NEBL: variants seen among roughly 807,000 people sequenced by gnomAD.
The protein encoded by NEBL is LIM and SH3 protein 2.
Under a neutral mutation model 140.2 loss-of-function variants are expected in NEBL, and 122 were observed. The observed-to-expected ratio is 0.87, with a 90% confidence interval of 0.75 to 1.01. NEBL has a LOEUF of 1.01. Ranked by LOEUF, NEBL falls within the 50% of genes least tolerant of loss-of-function variation. The pLI is 0.00. For missense variants in NEBL, 1,365 were observed against 1,231.3 expected, an observed-to-expected ratio of 1.11 and a Z score of -1.62; for synonymous variants, 436 against 398.9, an observed-to-expected ratio of 1.09 and a Z score of -1.11.
In NEBL at chr10:20,783,094, G is replaced by A; in HGVS notation, c.*2653C>T. On this transcript the variant is annotated 3_prime_UTR_variant, in exon 28 of 28. Transcript: ENST00000377122. ...TTTTTAAAATCTTCTTTAGCTGTCA[G>A]CTTCATGCACGAGATACCTGTTGCC... 6.6e-6 allele frequency: 1 copy of A among 152,576 alleles called. No homozygotes were observed. Among genetic ancestry groups the A allele is most frequent in the African/African-American group, 2.4e-5 (1 of 41,432 alleles). 9.5% of individuals were successfully genotyped at this position (152,576 alleles called of 1,614,324 possible).
intron 3 of NEBL, among the ~76,000 whole-genome samples, chr10:21,204,845 G>C (rs1052082814): frequency 1.3e-5 from 2 of 152,182 alleles, no homozygotes; most frequent in Admixed American, 1.3e-4. Flanking sequence ...GTGGGGCATT[G>C]ACAGAGCCTG....
intron 14 of NEBL, among the ~76,000 whole-genome samples, chr10:20,834,168 T>G (rs1440020047): frequency 6.6e-6 from 1 of 152,074 alleles, no homozygotes; most frequent in Non-Finnish European, 1.5e-5. Context: ...AAAAAATCCT[T>G]AATATAAAGT....
In NEBL at chr10:20,828,531, G is replaced by A. The variant is rs146275785; in HGVS notation, c.1775C>T (p.Ala592Val). ...TTAAAAGAAGTAATGGCTACTCACC[G>A]CACTAATGTTTTGTTGAGTTGTCTT... Reference protein sequence around the residue: ...RIKTTQQNISAVFYKKEVGAG... With the variant: ...RIKTTQQNISVVFYKKEVGAG... The change falls in exon 17 of 28, where the codon GCG becomes GTG. Residue 592 changes from alanine (A) to valine (V), a missense_variant and splice_region_variant. Ala to Val is a moderately conservative substitution (Grantham distance 64). Transcript: ENST00000377122. The A allele has an allele frequency of 3.7e-5, 57 of 1,561,030 alleles. No homozygotes were observed. The highest frequency in any genetic ancestry group is 1.3e-4 in the Admixed American group (8 of 59,774).
chr10:20,785,658 G>T lies in NEBL; in HGVS notation c.*89C>A. On this transcript the variant is annotated 3_prime_UTR_variant, in exon 28 of 28. Transcript: ENST00000377122. ...AAGGATACATCATTGTAAAATAATGGCCAAGTTGTCTTAAAAGTATCTTCT... is the reference window on the plus strand; with the variant it reads ...AAGGATACATCATTGTAAAATAATGTCCAAGTTGTCTTAAAAGTATCTTCT... 7.0e-7 allele frequency: 1 copy of T among 1,430,462 alleles called. No homozygotes were observed. Among genetic ancestry groups the T allele is most frequent in the Non-Finnish European group, 9.6e-7 (1 of 1,039,404 alleles). 88.6% of individuals were successfully genotyped at this position (1,430,462 alleles called of 1,614,324 possible).
intron 2 of NEBL, among the ~76,000 whole-genome samples, chr10:21,076,168 C>A (rs1307395472): frequency 6.6e-6 from 1 of 152,014 alleles, no homozygotes; most frequent in East Asian, 1.9e-4. Flanking sequence ...ACCAACCAGG[C>A]ACGGTGGCTT....
At chr10:20,850,964 G>C (rs1057414050) in intron 10 of NEBL, among the ~76,000 whole-genome samples, 1 of 152,214 alleles carries the variant, frequency 6.6e-6, no homozygotes, top group Non-Finnish European at 1.5e-5. Flanking sequence ...ATGTCCTCCA[G>C]GGATGCTGAA....
In NEBL at chr10:21,173,783, T is replaced by C; in HGVS notation, c.51A>G (p.Lys17=). The change falls in exon 1 of 7, where the codon AAA becomes AAG. Residue 17 remains lysine, a synonymous_variant. Coordinates refer to the NEBL transcript ENST00000417816. The surrounding 1 kb of genome is among the most constrained non-coding windows in gnomAD (Gnocchi z 5.7). Reference sequence around the variant, plus strand: ...CGCTCACCTTATCCAGGCAGTTGACTTTCTCGGTGGGATACACGACTTTTC... The same window carrying C: ...CGCTCACCTTATCCAGGCAGTTGACCTTCTCGGTGGGATACACGACTTTTC... 1.2e-6 allele frequency: 2 copies of C among 1,612,848 alleles called. No individual in the cohort carries two copies. Among genetic ancestry groups the C allele is most frequent in the East Asian group, 2.2e-5 (1 of 44,782 alleles).
intron 13 of NEBL, 53 bp downstream of exon 13, chr10:20,840,686 A>G: frequency 1.6e-6 from 2 of 1,229,432 alleles, no homozygotes; most frequent in Non-Finnish European, 2.4e-6. Context: ...ATTGACAAAT[A>G]AGAAAGTCAG....
chr10:21,206,679 A>C (rs965818361), intron 3 of NEBL, among the ~76,000 whole-genome samples: 1 of 152,176 alleles, frequency 6.6e-6, no homozygotes, highest in Non-Finnish European at 1.5e-5. Context: ...CTCACCAAGG[A>C]GTTTGAGGCT....
At chr10:20,934,438 C>A (rs1834368759) in intron 4 of NEBL, among the ~76,000 whole-genome samples, 1 of 152,202 alleles carries the variant, frequency 6.6e-6, no homozygotes, top group Non-Finnish European at 1.5e-5. Context: ...CACACCACTC[C>A]ACATTTTGAG....
chr10:21,213,692 A>G (rs1184708637), intron 3 of NEBL, among the ~76,000 whole-genome samples: 2 of 152,368 alleles, frequency 1.3e-5, no homozygotes, highest in African/African-American at 4.8e-5. Flanking sequence ...TAGAGTAAAT[A>G]GAGAAAAACC....
intron 3 of NEBL, 36 bp from the exon 4 acceptor site, chr10:20,888,243 T>A: frequency 8.1e-7 from 1 of 1,234,998 alleles, no homozygotes; most frequent in Non-Finnish European, 1.2e-6. Context: ...AATAAATAAA[T>A]AAACTTCCAT....
chr10:20,926,950 A>T (rs1228056637), intron 4 of NEBL, among the ~76,000 whole-genome samples: 1 of 152,342 alleles, frequency 6.6e-6, no homozygotes, highest in Non-Finnish European at 1.5e-5. Context: ...CTCCTAAGAG[A>T]TCACAGATGA....
intron 2 of NEBL, among the ~76,000 whole-genome samples, chr10:21,140,007 A>G (rs933521206): frequency 4.8e-4 from 68 of 142,970 alleles, no homozygotes; most frequent in Non-Finnish European, 4.3e-4. Flanking sequence ...AAAAAAAAAA[A>G]TACAAAAATT....
At chr10:20,861,806 C>A (rs1001245855) in intron 7 of NEBL, among the ~76,000 whole-genome samples, 1 of 152,102 alleles carries the variant, frequency 6.6e-6, no homozygotes, top group Admixed American at 6.5e-5. Flanking sequence ...CTTGCATATG[C>A]TCTCCCAAGT....
intron 3 of NEBL, among the ~76,000 whole-genome samples, chr10:21,001,427 C>A (rs1350048426): frequency 6.6e-6 from 1 of 152,108 alleles, no homozygotes. Flanking sequence ...AGGTGGACAT[C>A]ATTTCATAGC....
rs142185098 is a variant in NEBL at position 21,001,015 on chromosome 10, C to T, written c.249+19102G>A. On this transcript the variant is annotated intron_variant, in intron 3 of 6. Transcript: ENST00000417816. ...TCCTGGTCAGGAATTCGCTCCTGCA[C>T]ACCCAATCATCTGCAGTTCCCTCAG... 7.7e-3 allele frequency among the ~76,000 whole-genome samples: 1,180 copies of T among 152,284 alleles called. 15 individuals carry two copies. The highest frequency in any genetic ancestry group is 0.027 in the African/African-American group (1,106 of 41,558).
chr10:21,255,641 A>G (rs1185050191), intron 1 of NEBL, among the ~76,000 whole-genome samples: 1 of 152,166 alleles, frequency 6.6e-6, no homozygotes, highest in African/African-American at 2.4e-5. Context: ...TGCTGCATCA[A>G]AGAATATTCC....
At position 20,973,063 on chromosome 10, in the gene NEBL, G is replaced by A. The variant is rs146831040; in HGVS notation, c.250-11284C>T. Among the ~76,000 whole-genome samples, 696 of 152,106 alleles carry A rather than the reference G, an allele frequency of 4.6e-3. 1 individual carries two copies. Among genetic ancestry groups the A allele is most frequent in the Middle Eastern group, 0.031 (9 of 294 alleles). On this transcript the variant is annotated intron_variant, in intron 3 of 6. Coordinates refer to the NEBL transcript ENST00000417816. ...AAGAATTATGGCTTCTTAGCTAACCGTAAGAGCTCCACATTAATTACAGTG... is the reference window on the plus strand; with the variant it reads ...AAGAATTATGGCTTCTTAGCTAACCATAAGAGCTCCACATTAATTACAGTG...
Sources: allele counts gnomAD v4.1 joint callset (sites outside exome capture counted in the v4.1 genomes callset), GRCh38; gene constraint gnomAD v4.1.1; non-coding constraint Gnocchi (gnomAD v3.1); transcripts MANE v1.5; gene names NCBI Gene and HGNC (gene_info 2026-07-23, HGNC 2026-07-21).